Variants in PRH1 observed in about 807,000 individuals in gnomAD.
PRH1 encodes salivary acidic proline-rich phosphoprotein 1/2.
In PRH1, 7 loss-of-function variants were observed where a neutral mutation model predicts 7.9. The observed-to-expected ratio is 0.89, with a 90% CI of 0.50 to 1.67. PRH1 has a LOEUF of 1.67. Ranked by LOEUF, PRH1 falls within the 40% of genes most tolerant of loss-of-function variation. PRH1 has a pLI of 0.00. For missense variants in PRH1, 109 were observed against 223.6 expected (o/e 0.49, Z 3.27); for synonymous variants, 45 against 80.8 (o/e 0.56, Z 2.38).
chr12:10,951,491 A>G (rs1937665752), intron 2 of PRH1, among the ~76,000 whole-genome samples: 1 of 152,204 alleles, frequency 6.6e-6, no homozygotes, highest in Non-Finnish European at 1.5e-5. Context: ...ACATATACAT[A>G]TACCCCACAT....
chr12:11,168,276 GAAAGAAAGAAAGAAA>G, intron 1 of PRH1, among the ~76,000 whole-genome samples: 16 of 32,438 alleles, frequency 4.9e-4, no homozygotes, highest in Admixed American at 7.3e-4. Flanking sequence ...AAGAAAGAAA[GAAAGAAAGAAAGAAA>G]GAAAGAAAGA....
At chr12:11,007,746 T>A (rs1382799348) in intron 1 of PRH1, among the ~76,000 whole-genome samples, 1 of 151,976 alleles carries the variant, frequency 6.6e-6, no homozygotes, top group Non-Finnish European at 1.5e-5. Context: ...CACAAGCACA[T>A]CCCCACACTA....
intron 1 of PRH1, among the ~76,000 whole-genome samples, chr12:11,156,512 C>T (rs913105625): frequency 2.6e-5 from 4 of 152,144 alleles, no homozygotes; most frequent in African/African-American, 9.7e-5. Context: ...AATGCTCTTC[C>T]CCTTTAGCCT....
intron 1 of PRH1, among the ~76,000 whole-genome samples, chr12:11,165,044 T>C (rs1406173555): frequency 6.6e-6 from 1 of 152,234 alleles, no homozygotes; most frequent in African/African-American, 2.4e-5. Flanking sequence ...CTTGGTAGAA[T>C]GTTTAGAGTC....
At chr12:10,938,934 T>C in intron 2 of PRH1, 1 of 1,613,946 alleles carries the variant, frequency 6.2e-7, no homozygotes, top group Non-Finnish European at 8.5e-7. Context: ...AAATGATTGA[T>C]CACTGTCCAG....
At chr12:11,031,275 T>A (rs1463129266) in intron 1 of PRH1, 1 of 1,613,906 alleles carries the variant, frequency 6.2e-7, no homozygotes, top group Non-Finnish European at 8.5e-7. Context: ...TTAGCAAAAT[T>A]TCCAATAACA....
intron 1 of PRH1, among the ~76,000 whole-genome samples, chr12:11,114,803 C>T (rs1020428971): frequency 2.0e-5 from 3 of 151,942 alleles, no homozygotes; most frequent in Non-Finnish European, 4.4e-5. Context: ...TTTGCTTATG[C>T]GAACAGTGCT....
rs1945137192 is a variant in PRH1 at position 11,098,693 on chromosome 12, G to A, written n.124-51505C>T. Among the ~76,000 whole-genome samples the A allele has an allele frequency of 1.3e-5, 2 of 152,188 alleles. 1 individual carries two copies. Among genetic ancestry groups the A allele is most frequent in the Non-Finnish European group, 2.9e-5 (2 of 68,028 alleles). ...TTAAAATGCCAGATTTGTATACACA[G>A]AATCCAAACTGCTTTTATCAAAAGC... On this transcript the variant is annotated intron_variant and non_coding_transcript_variant, in intron 1 of 4. Transcript: ENST00000541977.
At chr12:10,938,380 G>A in intron 2 of PRH1, 3 of 1,614,046 alleles carry the variant, frequency 1.9e-6, no homozygotes, top group Non-Finnish European at 2.5e-6. Flanking sequence ...GAACACATGA[G>A]TGACATGAAG....
chr12:11,002,181 T>A (rs1282604288), intron 1 of PRH1, among the ~76,000 whole-genome samples: 6 of 152,184 alleles, frequency 3.9e-5, no homozygotes, highest in Admixed American at 6.5e-5. Flanking sequence ...ATTATTTATG[T>A]AAACATTTCA....
chr12:11,085,422 G>T (rs1944654384), intron 1 of PRH1, among the ~76,000 whole-genome samples: 1 of 122,396 alleles, frequency 8.2e-6, no homozygotes, highest in Non-Finnish European at 1.9e-5. Flanking sequence ...AAAATGGTTA[G>T]TAGTAAACAT....
At chr12:10,890,384 GGTGTGT>G (rs112808907) in intron 2 of PRH1, among the ~76,000 whole-genome samples, 4 of 150,692 alleles carry the variant, frequency 2.7e-5, no homozygotes, top group East Asian at 2.0e-4. Flanking sequence ...TCCTAACTTT[GGTGTGT>G]GTGTGTGTGT....
upstream of PRH1, among the ~76,000 whole-genome samples, chr12:11,051,431 AT>A (rs1943139309): frequency 6.6e-6 from 1 of 152,192 alleles, no homozygotes; most frequent in Non-Finnish European, 1.5e-5. Context: ...CTGATTAATA[AT>A]TTTTATATTA....
At chr12:10,897,527 C>A (rs1269072157) in intron 2 of PRH1, among the ~76,000 whole-genome samples, 2 of 152,128 alleles carry the variant, frequency 1.3e-5, no homozygotes, top group Non-Finnish European at 2.9e-5. Flanking sequence ...TCTTGCATTG[C>A]TATAAAGAAA....
chr12:11,116,093 A>G (rs929858449), downstream of PRH1, among the ~76,000 whole-genome samples: 1 of 152,082 alleles, frequency 6.6e-6, no homozygotes, highest in Non-Finnish European at 1.5e-5. Context: ...AATACAAAAG[A>G]TCAATGAAAC....
chr12:10,933,081 T>C (rs1950236758), intron 2 of PRH1, among the ~76,000 whole-genome samples: 1 of 152,036 alleles, frequency 6.6e-6, no homozygotes, highest in East Asian at 1.9e-4. Context: ...TGGCAAAAGA[T>C]TGTGAAAATT....
chr12:10,943,057 C>G (rs994006356), intron 2 of PRH1, among the ~76,000 whole-genome samples: 20 of 152,238 alleles, frequency 1.3e-4, no homozygotes, highest in African/African-American at 4.6e-4. Context: ...TTTGGGGTGT[C>G]TCCCAGGTTC....
chr12:11,050,970 T>A, upstream of PRH1, among the ~76,000 whole-genome samples: 1 of 152,270 alleles, frequency 6.6e-6, no homozygotes, highest in Non-Finnish European at 1.5e-5. Flanking sequence ...AGCTTCAAGA[T>A]GCAGAATGTG....
intron 2 of PRH1, among the ~76,000 whole-genome samples, chr12:10,920,015 T>C (rs1358688600): frequency 6.6e-6 from 1 of 151,882 alleles, no homozygotes; most frequent in Non-Finnish European, 1.5e-5. Flanking sequence ...TCCTCCTGTT[T>C]GATTCTCTGT....
Sources: gnomAD v4.1 joint callset for allele counts (sites outside exome capture counted in the v4.1 genomes callset) on GRCh38, gnomAD v4.1.1 for gene constraint, MANE v1.5 for transcripts, NCBI Gene and HGNC (gene_info 2026-07-23, HGNC 2026-07-21) for gene names.